Variants in BUB1B observed in about 807,000 individuals in gnomAD.
BUB1B encodes the protein BUB1 mitotic checkpoint serine/threonine kinase B, also known as mitotic checkpoint serine/threonine-protein kinase BUB1 beta.
BUB1B carries 86 observed loss-of-function variants against 137.7 expected under a neutral mutation model. That is an observed-to-expected ratio of 0.62 (90% CI 0.52 to 0.75). BUB1B has a LOEUF of 0.75. Among genes scored for constraint, BUB1B ranks in the 30% least tolerant of loss-of-function variants. BUB1B has a pLI of 0.00. For missense variants in BUB1B, 1,130 were observed against 1,236.9 expected, an observed-to-expected ratio of 0.91 and a Z score of 1.30; for synonymous variants, 420 against 417.9, an observed-to-expected ratio of 1.00 and a Z score of -0.06.
intron 20 of BUB1B, among the ~76,000 whole-genome samples, chr15:40,216,482 T>C (rs2037784755): frequency 6.7e-6 from 1 of 148,982 alleles, no homozygotes; most frequent in Admixed American, 6.8e-5. Context: ...TTTACATATA[T>C]ATATAAAATA....
chr15:40,169,715 T>A (rs1401179323), intron 2 of BUB1B, among the ~76,000 whole-genome samples: 1 of 150,000 alleles, frequency 6.7e-6, no homozygotes, highest in Non-Finnish European at 1.5e-5. Context: ...CAGGTTCAAG[T>A]GCTCTTCCCA....
chr15:40,188,437 A>G (rs879209201), intron 8 of BUB1B, among the ~76,000 whole-genome samples: 1 of 152,160 alleles, frequency 6.6e-6, no homozygotes, highest in Non-Finnish European at 1.5e-5. Context: ...AGTGATGTAT[A>G]GAAGCTCTTC....
chr15:40,187,330 G>A (rs1479981713), intron 8 of BUB1B, among the ~76,000 whole-genome samples: 1 of 151,994 alleles, frequency 6.6e-6, no homozygotes, highest in Non-Finnish European at 1.5e-5. Flanking sequence ...ATTTCACCGT[G>A]TTAGCCAGGA....
In BUB1B at chr15:40,213,332, G is replaced by A; in HGVS notation, c.2536G>A (p.Asp846Asn). The A allele has an allele frequency of 6.2e-7, 1 of 1,613,622 alleles. No homozygotes were observed. The highest frequency in any genetic ancestry group is 8.5e-7 in the Non-Finnish European group (1 of 1,179,858). ...GAGTTTTCTGTCCTTCAATTTCCAG[G>A]ATCTTCTCCAACACAGTGAATATAT... ...HQYINCFTLQDLLQHSEYITH... is the reference protein window; with the variant it reads ...HQYINCFTLQNLLQHSEYITH... The change falls in exon 20 of 23, where the codon GAT becomes AAT. Residue 846 changes from aspartate to asparagine, a missense_variant and splice_region_variant. Transcript: ENST00000287598.
intron 4 of BUB1B, among the ~76,000 whole-genome samples, chr15:40,174,210 G>A (rs2037198322): frequency 6.6e-6 from 1 of 152,172 alleles, no homozygotes; most frequent in Admixed American, 6.5e-5. Context: ...TATTTATGTA[G>A]TGACAGATAT....
intron 8 of BUB1B, among the ~76,000 whole-genome samples, chr15:40,191,371 C>A (rs1236342909): frequency 6.6e-6 from 1 of 152,154 alleles, no homozygotes; most frequent in Admixed American, 6.5e-5. Flanking sequence ...GATACAACTT[C>A]TTTTCGGATA....
At position 40,202,710 on chromosome 15, in the gene BUB1B, C is replaced by G. The variant is rs768935318; in HGVS notation, c.1734+16C>G. ...AGATGTTTGTGTAAGGAGCAGTATC[C>G]TTAAGTTAATGTAAATGGGCTAGTG... is the stretch of plus-strand genomic sequence containing the variant. On this transcript the variant is annotated intron_variant, in intron 14 of 22. Coordinates refer to ENST00000287598, the MANE Select transcript of BUB1B (RefSeq NM_001211.6). The G allele has an allele frequency of 3.8e-6, 6 of 1,597,128 alleles. No individual in the cohort carries two copies. The South Asian group carries it at 6.6e-5, about 18-fold the overall frequency.
chr15:40,194,657 T>C (rs2037476755), intron 8 of BUB1B, among the ~76,000 whole-genome samples: 1 of 152,224 alleles, frequency 6.6e-6, no homozygotes, highest in African/African-American at 2.4e-5. Context: ...TGAAAATACC[T>C]GCTATATCAT....
intron 3 of BUB1B, 124 bp from the exon 4 acceptor site, chr15:40,170,413 A>T (rs1267439012): frequency 8.8e-7 from 1 of 1,134,080 alleles, no homozygotes; most frequent in African/African-American, 1.5e-5. Context: ...GGCTTAGGGT[A>T]TGTCATTGAG....
chr15:40,200,946 G>A lies in BUB1B; in HGVS notation c.1533G>A (p.Ala511=), dbSNP rs779879463. ...VNCCARETSL[A]ENIWQEQPHS... ...TTCTTTACAGAGAAACTTCACTTGC[G>A]GAGAACATTTGGCAGGAACAACCTC... is the stretch of plus-strand genomic sequence containing the variant. The change falls in exon 12 of 23, where the codon GCG becomes GCA. Residue 511 remains alanine (A), a synonymous_variant. Coordinates refer to ENST00000287598, the MANE Select transcript of BUB1B (RefSeq NM_001211.6). The A allele has an allele frequency of 3.2e-5, 51 of 1,613,114 alleles. No homozygotes were observed. The highest frequency in any genetic ancestry group is 1.2e-4 in the African/African-American group (9 of 74,896).
intron 8 of BUB1B, among the ~76,000 whole-genome samples, chr15:40,195,228 A>T (rs1344176499): frequency 6.6e-6 from 1 of 151,976 alleles, no homozygotes; most frequent in African/African-American, 2.4e-5. Flanking sequence ...GTGAGAACAT[A>T]TGATGTTTGG....
chr15:40,201,115 A>C (rs2037563759), intron 12 of BUB1B, 135 bp downstream of exon 12: 2 of 743,128 alleles, frequency 2.7e-6, no homozygotes, highest in Non-Finnish European at 4.5e-6. Flanking sequence ...TAGTATAAGC[A>C]TATGCTTTAT....
chr15:40,200,181 G>T, intron 10 of BUB1B, 63 bp from the exon 11 acceptor site: 1 of 1,122,142 alleles, frequency 8.9e-7, no homozygotes, highest in South Asian at 1.3e-5. Flanking sequence ...GCTAATGTTA[G>T]AACTAGAAAA....
chr15:40,185,058 G>A, intron 6 of BUB1B, 107 bp from the exon 7 acceptor site: 1 of 760,714 alleles, frequency 1.3e-6, no homozygotes, highest in Admixed American at 2.2e-5. Context: ...TTTTTCTGTT[G>A]TAGTGGAAAT....
At chr15:40,164,290 G>A (rs958225615) in intron 1 of BUB1B, among the ~76,000 whole-genome samples, 1 of 150,412 alleles carries the variant, frequency 6.6e-6, no homozygotes, top group African/African-American at 2.5e-5. Flanking sequence ...GTGCAGTGGT[G>A]TGATCATGGC....
intron 20 of BUB1B, among the ~76,000 whole-genome samples, chr15:40,216,546 AC>A (rs1427103671): frequency 1.0e-5 from 1 of 95,984 alleles, no homozygotes; most frequent in Non-Finnish European, 1.9e-5. Flanking sequence ...CTATATATAT[AC>A]TATATATATA....
intron 4 of BUB1B, among the ~76,000 whole-genome samples, chr15:40,172,681 A>G (rs528477619): frequency 3.3e-5 from 5 of 152,308 alleles, no homozygotes; most frequent in African/African-American, 9.6e-5. Context: ...GAACCTATGC[A>G]GTTCAGACCT....
rs537392367 is a variant in BUB1B, at chr15:40,208,606, A to G, written c.2010-31A>G. 50 of 1,579,166 alleles carry G rather than the reference A, an allele frequency of 3.2e-5. No homozygotes were observed. The East Asian group carries it at 9.3e-4, about 29-fold the overall frequency. The stretch of plus-strand genomic sequence containing the variant: ...AACAAAGTTGATATATATTATTCCT[A>G]TAAGAATTAACTTATTTTTGATTCT... On this transcript the variant is annotated intron_variant, in intron 15 of 22. Transcript: ENST00000287598.
At chr15:40,214,319 T>C (rs1010176289) in intron 20 of BUB1B, among the ~76,000 whole-genome samples, 10 of 152,142 alleles carry the variant, frequency 6.6e-5, no homozygotes, top group Non-Finnish European at 1.3e-4. Flanking sequence ...AAATGAATAC[T>C]AAGGACTGAG....
Sources: gnomAD v4.1 joint callset for allele counts (sites outside exome capture counted in the v4.1 genomes callset) on GRCh38, gnomAD v4.1.1 for gene constraint, MANE v1.5 for transcripts, NCBI Gene and HGNC (gene_info 2026-07-23, HGNC 2026-07-21) for gene names.